TNFSF4: variants seen among roughly 807,000 people sequenced by gnomAD.
TNFSF4 encodes tumor necrosis factor ligand superfamily member 4.
TNFSF4 carries 4 observed loss-of-function variants against 7.3 expected under a neutral mutation model. The observed-to-expected ratio is 0.55, with a 90% CI of 0.27 to 1.25. The LOEUF (loss-of-function observed/expected upper bound fraction) is 1.25, where lower values mean the gene tolerates loss of function less well. TNFSF4 is among the 50% of genes most tolerant of loss of function. The pLI is 0.12. For missense variants in TNFSF4, 181 were observed against 208.8 expected (o/e 0.87, Z 0.82); for synonymous variants, 76 against 83.7 (o/e 0.91, Z 0.50).
At chr1:173,174,244 C>G in the TNFSF4 span, 1 of 152,216 alleles carries the variant, frequency 6.6e-6, no homozygotes, top group African/African-American at 2.4e-5. Context: ...TTCCATATCA[C>G]TATCCGCATT....
chr1:173,290,551 G>A, the TNFSF4 span, among the ~76,000 whole-genome samples: 1 of 152,130 alleles, frequency 6.6e-6, no homozygotes, highest in African/African-American at 2.4e-5. Context: ...ACCATTTTAA[G>A]CATATATGCA....
chr1:173,323,528 G>A, the TNFSF4 span, among the ~76,000 whole-genome samples: 20 of 152,354 alleles, frequency 1.3e-4, no homozygotes, highest in East Asian at 3.5e-3. Flanking sequence ...ACTTTGACGA[G>A]TTGAGAGGGG....
At chr1:173,360,537 A>G in the TNFSF4 span, among the ~76,000 whole-genome samples, 3 of 152,228 alleles carry the variant, frequency 2.0e-5, no homozygotes, top group Non-Finnish European at 4.4e-5. Context: ...TCCTGAGACT[A>G]GCTGCGAAGA....
the TNFSF4 span, among the ~76,000 whole-genome samples, chr1:173,296,962 C>T: frequency 6.6e-6 from 1 of 151,928 alleles, no homozygotes; most frequent in Non-Finnish European, 1.5e-5. Context: ...GATATTACTA[C>T]TTCCCTTCCT....
At chr1:173,177,163 T>A in the TNFSF4 span, among the ~76,000 whole-genome samples, 1 of 152,168 alleles carries the variant, frequency 6.6e-6, no homozygotes, top group Non-Finnish European at 1.5e-5. Context: ...ATTTTATGCT[T>A]GCATATTTTA....
the TNFSF4 span, among the ~76,000 whole-genome samples, chr1:173,271,734 T>C: frequency 7.2e-5 from 11 of 152,112 alleles, no homozygotes; most frequent in Non-Finnish European, 5.9e-5. Flanking sequence ...TTAGGAATGC[T>C]CTTACACTGT....
the TNFSF4 span, among the ~76,000 whole-genome samples, chr1:173,273,008 G>C: frequency 6.6e-6 from 1 of 152,062 alleles, no homozygotes; most frequent in African/African-American, 2.4e-5. Flanking sequence ...CTGTGTAAGC[G>C]GAATCAGTTA....
the TNFSF4 span, among the ~76,000 whole-genome samples, chr1:173,395,435 G>A: frequency 1.4e-3 from 185 of 134,532 alleles, 1 homozygote; most frequent in South Asian, 0.014. Flanking sequence ...GAGAGAGAGA[G>A]AAAATTTTGG....
At chr1:173,355,157 A>G in the TNFSF4 span, among the ~76,000 whole-genome samples, 46,045 of 152,016 alleles carry the variant, frequency 0.3, 7,182 homozygotes, top group East Asian at 0.35. Flanking sequence ...TTGTCATCAC[A>G]TAACTCTTTC....
the TNFSF4 span, among the ~76,000 whole-genome samples, chr1:173,221,189 T>C: frequency 7.0e-4 from 107 of 152,290 alleles, 1 homozygote; most frequent in Admixed American, 2.3e-3. Flanking sequence ...GACAACTAAG[T>C]AATAGGCCAT....
At chr1:173,195,696 G>A (rs1313779856) in intron 1 of TNFSF4, among the ~76,000 whole-genome samples, 1 of 152,208 alleles carries the variant, frequency 6.6e-6, no homozygotes, top group Non-Finnish European at 1.5e-5. Context: ...CTGGTGAAGG[G>A]TATCTGTGGC....
At chr1:173,240,356 A>C in the TNFSF4 span, among the ~76,000 whole-genome samples, 93,753 of 151,922 alleles carry the variant, frequency 0.62, 30,478 homozygotes, top group African/African-American at 0.83. Flanking sequence ...TCTTTCCAAT[A>C]CACCTTTCAA....
At chr1:173,247,498 A>C in the TNFSF4 span, among the ~76,000 whole-genome samples, 1 of 152,242 alleles carries the variant, frequency 6.6e-6, no homozygotes, top group African/African-American at 2.4e-5. Context: ...GGCATTGAGC[A>C]GAAAGGAGAG....
At chr1:173,222,174 A>C in the TNFSF4 span, among the ~76,000 whole-genome samples, 1 of 140,468 alleles carries the variant, frequency 7.1e-6, no homozygotes, top group East Asian at 2.5e-4. Flanking sequence ...CTTACTTCTT[A>C]TTATTTTGAC....
chr1:173,407,210 C>G, the TNFSF4 span, among the ~76,000 whole-genome samples: 1 of 151,922 alleles, frequency 6.6e-6, no homozygotes, highest in Non-Finnish European at 1.5e-5. Context: ...AGGATATTAG[C>G]ACAGTCCGTG....
At chr1:173,399,205 G>A in the TNFSF4 span, among the ~76,000 whole-genome samples, 1,171 of 152,252 alleles carry the variant, frequency 7.7e-3, 22 homozygotes, top group African/African-American at 0.026. Context: ...AAATATCCAT[G>A]GTCCTCACCC....
the TNFSF4 span, among the ~76,000 whole-genome samples, chr1:173,437,268 G>A: frequency 1.3e-5 from 2 of 152,184 alleles, no homozygotes; most frequent in Non-Finnish European, 2.9e-5. Flanking sequence ...CTGCTTTCCT[G>A]AGTACTGTGT....
At chr1:173,193,387 T>C (rs766568044) in intron 1 of TNFSF4, among the ~76,000 whole-genome samples, 3 of 152,170 alleles carry the variant, frequency 2.0e-5, no homozygotes, top group Non-Finnish European at 4.4e-5. Flanking sequence ...CATGCCAGAA[T>C]TGAAGTATAG....
chr1:173,276,235 G>T, the TNFSF4 span, among the ~76,000 whole-genome samples: 1 of 152,096 alleles, frequency 6.6e-6, no homozygotes, highest in African/African-American at 2.4e-5. Flanking sequence ...TTTACAGAAA[G>T]ATTAATCCAA....
Sources: allele counts gnomAD v4.1 joint callset (sites outside exome capture counted in the v4.1 genomes callset), GRCh38; gene constraint gnomAD v4.1.1; transcripts MANE v1.5; gene names NCBI Gene and HGNC (gene_info 2026-07-23, HGNC 2026-07-21).